The following VTI1A variants were observed in gnomAD, a reference collection of about 807,000 sequenced individuals.
The protein encoded by VTI1A is vesicle transport through interaction with t-SNAREs homolog 1A.
A neutral mutation model predicts 34.9 loss-of-function variants in VTI1A; 22 were observed. The ratio of observed to expected loss-of-function variants is 0.63; its 90% confidence interval spans 0.45 to 0.90. The LOEUF (loss-of-function observed/expected upper bound fraction) is 0.90. Ranked by LOEUF, VTI1A falls within the 40% of genes least tolerant of loss-of-function variation. VTI1A has a pLI of 0.00. For synonymous variants in VTI1A, 87 were observed against 97.3 expected, an observed-to-expected ratio of 0.89 and a Z score of 0.62; for missense variants, 268 against 275.6, an observed-to-expected ratio of 0.97 and a Z score of 0.20.
At chr10:112,546,715 A>G (rs1851144546) in intron 5 of VTI1A, among the ~76,000 whole-genome samples, 1 of 152,102 alleles carries the variant, frequency 6.6e-6, no homozygotes, top group Admixed American at 6.6e-5. Flanking sequence ...AATTTCCTGC[A>G]TATCTTGTTT....
intron 7 of VTI1A, among the ~76,000 whole-genome samples, chr10:112,724,375 G>C (rs1333690936): frequency 6.6e-6 from 1 of 151,260 alleles, no homozygotes; most frequent in Non-Finnish European, 1.5e-5. Context: ...TAGAATTCCA[G>C]ATGGCATGGT....
intron 5 of VTI1A, among the ~76,000 whole-genome samples, chr10:112,643,070 T>A (rs1335768533): frequency 6.7e-6 from 1 of 149,372 alleles, no homozygotes; most frequent in Non-Finnish European, 1.5e-5. Context: ...CTGCAACCTC[T>A]GCCTCCCAGG....
chr10:112,806,717 G>T lies in VTI1A; in HGVS notation c.561-8573G>T, dbSNP rs1022886236. On this transcript the variant is annotated intron_variant, in intron 7 of 7. Coordinates refer to ENST00000393077, the MANE Select transcript of VTI1A (RefSeq NM_145206.4). ...TCCTGCCTCAGCCTCCTTAGTAGCT[G>T]GGACCACAAGCACAGGCCACCACAC... Among the ~76,000 whole-genome samples, 3 of 151,938 alleles carry T rather than the reference G, an allele frequency of 2.0e-5. No homozygotes were observed. In the East Asian group the frequency reaches 5.8e-4, roughly 29 times the overall value.
At chr10:112,538,878 G>A (rs1850756580) in intron 5 of VTI1A, among the ~76,000 whole-genome samples, 1 of 152,090 alleles carries the variant, frequency 6.6e-6, no homozygotes, top group Admixed American at 6.6e-5. Context: ...CAAGGAGTAA[G>A]GCTAATGTTC....
intron 5 of VTI1A, among the ~76,000 whole-genome samples, chr10:112,544,481 G>A (rs989082939): frequency 6.6e-6 from 1 of 152,158 alleles, no homozygotes; most frequent in African/African-American, 2.4e-5. Context: ...GATTACAGGT[G>A]TGATCCACCA....
rs545915604 is a variant in VTI1A at position 112,692,130 on chromosome 10, C to T, written c.560+23132C>T. ...CTAAACACCTCTGAAATGTATATTC[C>T]CATTAGCCCACTTCAGTTACAAACT... On this transcript the variant is annotated intron_variant, in intron 7 of 7. Coordinates refer to ENST00000393077, the MANE Select transcript of VTI1A (RefSeq NM_145206.4). 1.1e-4 allele frequency among the ~76,000 whole-genome samples: 16 copies of T among 152,224 alleles called. No individual in the cohort carries two copies. The South Asian group carries it at 3.3e-3, about 32-fold the overall frequency.
chr10:112,809,531 G>C (rs1853212648), intron 7 of VTI1A, among the ~76,000 whole-genome samples: 1 of 152,208 alleles, frequency 6.6e-6, no homozygotes, highest in East Asian at 1.9e-4. Flanking sequence ...CTCTGAACCT[G>C]TAAAGTGTCT....
the VTI1A span, among the ~76,000 whole-genome samples, chr10:112,830,834 TA>T: frequency 1.1e-4 from 5 of 47,172 alleles, 1 homozygote; most frequent in South Asian, 1.1e-3. Flanking sequence ...TATATATATA[TA>T]TATATATATA....
At chr10:112,512,350 C>T (rs1460731301) in intron 3 of VTI1A, among the ~76,000 whole-genome samples, 1 of 152,034 alleles carries the variant, frequency 6.6e-6, no homozygotes, top group Non-Finnish European at 1.5e-5. Flanking sequence ...TGTGTATCTT[C>T]TTTTGAGAAT....
chr10:112,747,489 G>A (rs1850938606), intron 7 of VTI1A, among the ~76,000 whole-genome samples: 1 of 152,146 alleles, frequency 6.6e-6, no homozygotes, highest in Admixed American at 6.5e-5. Flanking sequence ...AAGTATTTGT[G>A]TATATAAACA....
chr10:112,834,186 A>G, the VTI1A span, among the ~76,000 whole-genome samples: 1 of 152,166 alleles, frequency 6.6e-6, no homozygotes, highest in Non-Finnish European at 1.5e-5. Context: ...ATGGAAGCCC[A>G]TCACAGCCCT....
At chr10:112,837,815 G>C in the VTI1A span, among the ~76,000 whole-genome samples, 1 of 152,190 alleles carries the variant, frequency 6.6e-6, no homozygotes, top group East Asian at 1.9e-4. Flanking sequence ...TGAAGTGCCA[G>C]GGTCAGATCA....
intron 5 of VTI1A, among the ~76,000 whole-genome samples, chr10:112,667,736 C>G (rs1847696338): frequency 6.6e-6 from 1 of 150,976 alleles, no homozygotes; most frequent in Non-Finnish European, 1.5e-5. Flanking sequence ...CAATAAGCTA[C>G]AGTAGGTGAG....
chr10:112,845,270 G>A, the VTI1A span, among the ~76,000 whole-genome samples: 3 of 152,316 alleles, frequency 2.0e-5, no homozygotes, highest in East Asian at 3.9e-4. Flanking sequence ...GTTGGGGCAG[G>A]ACGGCCAGGC....
intron 5 of VTI1A, among the ~76,000 whole-genome samples, chr10:112,586,065 A>G (rs1161203385): frequency 6.6e-6 from 1 of 152,040 alleles, no homozygotes; most frequent in Non-Finnish European, 1.5e-5. Context: ...AAATGTACCA[A>G]AATATCACAG....
At chr10:112,473,761 A>C (rs1008031033) in intron 3 of VTI1A, among the ~76,000 whole-genome samples, 6 of 152,222 alleles carry the variant, frequency 3.9e-5, no homozygotes, top group Admixed American at 2.6e-4. Flanking sequence ...GACTTTAAAA[A>C]TAAAAATCTT....
intron 4 of VTI1A, chr10:112,533,403 A>AT: frequency 1.6e-6 from 1 of 613,358 alleles, no homozygotes; most frequent in Non-Finnish European, 2.1e-6. Context: ...TTTGTCTGTG[A>AT]TTTTTAAATG....
chr10:112,476,014 T>G (rs568643653), intron 3 of VTI1A, among the ~76,000 whole-genome samples: 98 of 152,198 alleles, frequency 6.4e-4, no homozygotes, highest in Non-Finnish European at 1.3e-3. Context: ...ATAAGCTAAA[T>G]AAATCCAATT....
chr10:112,687,218 A>ATTT lies in VTI1A; in HGVS notation c.560+18220_560+18221insTTT, dbSNP rs1564883856. On this transcript the variant is annotated intron_variant, in intron 7 of 7. Coordinates refer to ENST00000393077, the MANE Select transcript of VTI1A (RefSeq NM_145206.4). ...ACAAAACAGGCCTAGGCATACTACA[A>ATTT]CTTTTTTTTTTTTTTTTTTTTTTTT... 1.8e-3 allele frequency among the ~76,000 whole-genome samples: 229 copies of ATTT among 124,176 alleles called. 2 individuals carry two copies. The highest frequency in any genetic ancestry group is 6.8e-3 in the African/African-American group (216 of 31,946). The allele number at this position is 124,176 out of a possible 152,430, so 81.5% of individuals were successfully genotyped here.
Sources: gnomAD v4.1 joint callset for allele counts (sites outside exome capture counted in the v4.1 genomes callset) on GRCh38, gnomAD v4.1.1 for gene constraint, MANE v1.5 for transcripts, NCBI Gene and HGNC (gene_info 2026-07-23, HGNC 2026-07-21) for gene names.